Variants in TMC8 observed in about 807,000 individuals in gnomAD.
TMC8 encodes transmembrane channel-like protein 8.
TMC8 carries 71 observed loss-of-function variants against 76.0 expected under a neutral mutation model. The ratio of observed to expected loss-of-function variants is 0.93; its 90% CI spans 0.77 to 1.14. The LOEUF (loss-of-function observed/expected upper bound fraction) is 1.14, where lower values mean the gene tolerates loss of function less well. TMC8 is among the 50% of genes most tolerant of loss of function. The pLI is 0.00. For synonymous variants in TMC8, 433 were observed against 433.8 expected (o/e 1.00, Z 0.02); for missense variants, 924 against 947.9 (o/e 0.97, Z 0.33).
rs377056213 is a variant in TMC8, at chr17:78,137,180, G to C, written c.1128-55G>C. 1.6e-5 allele frequency: 26 copies of C among 1,609,048 alleles called. No individual in the cohort carries two copies. The Admixed American group carries it at 2.2e-4, about 13-fold the overall frequency. ...ATCAGCCACACCTATAGCCTGGGTA[G>C]AGCCCGGTGCCCATGTGCCTGGGCC... On this transcript the variant is annotated intron_variant, in intron 9 of 15. Transcript: ENST00000318430.
At chr17:78,132,225 G>T (rs1195828757) in intron 3 of TMC8, 134 bp from the exon 4 acceptor site, 2 of 1,388,124 alleles carry the variant, frequency 1.4e-6, no homozygotes, top group South Asian at 2.5e-5. Flanking sequence ...GTGACTGTCA[G>T]CGGTACCTCC....
At position 78,141,457 on chromosome 17, in the gene TMC8, G is replaced by A. The variant is rs993007785; in HGVS notation, c.*345G>A. On this transcript the variant is annotated 3_prime_UTR_variant, in exon 16 of 16. Coordinates refer to ENST00000318430, the MANE Select transcript of TMC8 (RefSeq NM_152468.5). ...TTATACACATACATCTATTGGGAAT[G>A]CTCAGAAGTTGTTTACTGATGGAAG... is the stretch of plus-strand genomic sequence containing the variant. The A allele has an allele frequency of 1.0e-5, 2 of 198,050 alleles. No homozygotes were observed. The highest frequency in any genetic ancestry group is 4.6e-5 in the African/African-American group (2 of 43,340). 12.3% of individuals were successfully genotyped at this position (198,050 alleles called of 1,614,324 possible). A position where few individuals can be genotyped will look rare whatever the true frequency, so the allele number is the denominator to read the frequency against.
intron 5 of TMC8, among the ~76,000 whole-genome samples, chr17:78,133,166 ACCCTCAT>A (rs1244749938): frequency 6.6e-6 from 1 of 152,086 alleles, no homozygotes; most frequent in Non-Finnish European, 1.5e-5. Context: ...GCACTTCCCC[ACCCTCAT>A]CCTGGGAAGC....
Position 78,131,484 on chromosome 17 carries a change from G to C in TMC8, c.-105G>C. The C allele has an allele frequency of 6.8e-7, 1 of 1,471,754 alleles. No individual in the cohort carries two copies. Among genetic ancestry groups the C allele is most frequent in the South Asian group, 1.2e-5 (1 of 82,316 alleles). 91.2% of individuals were successfully genotyped at this position (1,471,754 alleles called of 1,614,324 possible). A position where few individuals can be genotyped will look rare whatever the true frequency, so the allele number is the denominator to read the frequency against. On this transcript the variant is annotated 5_prime_UTR_variant, in exon 2 of 16. Coordinates refer to ENST00000318430, the MANE Select transcript of TMC8 (RefSeq NM_152468.5). The stretch of plus-strand genomic sequence containing the variant: ...GACGGAAGGGCCCGCCCCCAGCCCA[G>C]CGTGCACAGAGGCCATAGCCAAGGC...
At position 78,137,788 on chromosome 17, in the gene TMC8, C is replaced by T. The variant is rs529856329; in HGVS notation, c.1323C>T (p.Phe441=). Reference sequence around the variant, plus strand: ...TCAACTTCCTCCTCACCGTGGCCTTCGCCTTCCTGGTCACCCTGCCTCGGA... The same window carrying T: ...TCAACTTCCTCCTCACCGTGGCCTTTGCCTTCCTGGTCACCCTGCCTCGGA... ...SIFNFLLTVA[F]AFLVTLPRRL... Residue 441 remains phenylalanine, a synonymous_variant, in exon 11 of 16, where the codon TTC becomes TTT. Coordinates refer to ENST00000318430, the MANE Select transcript of TMC8 (RefSeq NM_152468.5). 5.0e-5 allele frequency: 80 copies of T among 1,613,530 alleles called. No homozygotes were observed. The South Asian group carries it at 5.3e-4, about 11-fold the overall frequency.
At chr17:78,137,649 G>A in intron 10 of TMC8, 68 bp from the exon 11 acceptor site, 1 of 1,413,840 alleles carries the variant, frequency 7.1e-7, no homozygotes, top group Non-Finnish European at 1.0e-6. Context: ...AACCCTCACA[G>A]GAGGCTAAGG....
In TMC8 at chr17:78,133,547, G is replaced by C. The variant is rs1378793173; in HGVS notation, c.668+5G>C. 3 of 1,610,880 alleles carry C rather than the reference G, an allele frequency of 1.9e-6. No individual in the cohort carries two copies. The highest frequency in any genetic ancestry group is 1.7e-5 in the Admixed American group (1 of 60,022). On this transcript the variant is annotated splice_donor_5th_base_variant and intron_variant, in intron 6 of 15. Transcript: ENST00000318430. ...CTTCTGTGGGACTCTGCGGCGGTGA[G>C]AGCGAGGTCCACACCTTCACCCCTT...
intron 15 of TMC8, among the ~76,000 whole-genome samples, chr17:78,139,742 A>C (rs2075327294): frequency 1.3e-5 from 2 of 150,032 alleles, no homozygotes; most frequent in African/African-American, 4.9e-5. Context: ...AAAAAAAAAA[A>C]AAAAAAAAAA....
At chr17:78,131,816 C>G in intron 2 of TMC8, 66 bp from the exon 3 acceptor site, 2 of 1,505,318 alleles carry the variant, frequency 1.3e-6, no homozygotes, top group Non-Finnish European at 1.8e-6. Flanking sequence ...GGGAGCACCC[C>G]GTCTGCTTGG....
At chr17:78,136,968 A>C (rs2075249030) in intron 9 of TMC8, 1 of 436,458 alleles carries the variant, frequency 2.3e-6, no homozygotes, top group Middle Eastern at 7.0e-4. Flanking sequence ...CCGAGGTCAC[A>C]ACACTGAACT....
chr17:78,138,952 T>C, intron 14 of TMC8: 1 of 1,537,342 alleles, frequency 6.5e-7, no homozygotes, highest in Non-Finnish European at 8.7e-7. Context: ...TGGCTGCAGC[T>C]GCTGAGCTAT....
At chr17:78,132,577 C>A in intron 4 of TMC8, 69 bp downstream of exon 4, 1 of 1,562,010 alleles carries the variant, frequency 6.4e-7, no homozygotes, top group Non-Finnish European at 8.7e-7. Context: ...TGGCCCAGGG[C>A]CCAGAGCGTG....
Position 78,131,630 on chromosome 17 carries a change from G to A in TMC8, c.42G>A (p.Gly14=), listed in dbSNP as rs1486961271. The A allele has an allele frequency of 2.4e-5, 38 of 1,553,904 alleles. No individual in the cohort carries two copies. Among genetic ancestry groups the A allele is most frequent in the Non-Finnish European group, 3.3e-5 (38 of 1,150,002 alleles). ...CGGTGTCATCGGAGCGGGCCCCTGG[G>A]GTGCCGGAGCCGGAGGAGCTGTGGG... ...PRSVSSERAP[G]VPEPEELWEA... is the part of the protein sequence containing the mutation. The change falls in exon 2 of 16, where the codon GGG becomes GGA. Residue 14 remains glycine, a synonymous_variant. Transcript: ENST00000318430.
At chr17:78,131,085 C>A (rs948883218) in intron 1 of TMC8, 196 bp from the exon 2 acceptor site, 1 of 201,356 alleles carries the variant, frequency 5.0e-6, no homozygotes, top group Non-Finnish European at 1.0e-5. Flanking sequence ...TGCCGAGTCC[C>A]AGGAACTGTG....
chr17:78,131,715 A>G lies in TMC8; in HGVS notation c.127A>G (p.Met43Val), dbSNP rs1305314590. ...GCCCGTGCGCGGGCTGCCCTATGCC[A>G]TGATGGACAAGCGCCTCATCTGGTG... ...GTPVRGLPYA[M>V]MDKRLIWQLR... The change falls in exon 2 of 16, where the codon ATG becomes GTG. Residue 43 changes from methionine (M) to valine (V), a missense_variant. By Grantham distance (21) the Met-to-Val change is conservative. Transcript: ENST00000318430. 7 of 1,584,668 alleles carry G rather than the reference A, an allele frequency of 4.4e-6. No individual in the cohort carries two copies. The East Asian group carries it at 6.9e-5, about 16-fold the overall frequency.
At chr17:78,134,605 C>G in intron 8 of TMC8, 41 bp downstream of exon 8, 2 of 1,610,268 alleles carry the variant, frequency 1.2e-6, no homozygotes, top group Non-Finnish European at 1.7e-6. Flanking sequence ...GCCAGAACTG[C>G]GGGGGTGAGA....
intron 9 of TMC8, 22 bp downstream of exon 9, chr17:78,135,031 G>A (rs368036135): frequency 6.2e-7 from 1 of 1,613,726 alleles, no homozygotes; most frequent in Non-Finnish European, 8.5e-7. Flanking sequence ...CCTTGGTGGG[G>A]ACAAGTGGGC....
chr17:78,134,908 G>A lies in TMC8; in HGVS notation c.1026G>A (p.Gly342=). The A allele has an allele frequency of 6.2e-7, 1 of 1,614,114 alleles. No homozygotes were observed. Among genetic ancestry groups the A allele is most frequent in the East Asian group, 2.2e-5 (1 of 44,878 alleles). ...LFLLLQYLPP[G]VIALVNFLGP... ...TGCTGCTCCAGTACCTGCCCCCTGG[G>A]GTCATCGCCCTGGTCAACTTCCTGG... is the stretch of plus-strand genomic sequence containing the variant. The change falls in exon 9 of 16, where the codon GGG becomes GGA. Residue 342 remains glycine, a synonymous_variant. Coordinates refer to ENST00000318430, the MANE Select transcript of TMC8 (RefSeq NM_152468.5).
At chr17:78,139,521 A>T (rs1432705162) in intron 15 of TMC8, among the ~76,000 whole-genome samples, 1 of 152,128 alleles carries the variant, frequency 6.6e-6, no homozygotes, top group African/African-American at 2.4e-5. Flanking sequence ...GATCACTTGA[A>T]GCCATGAGTT....
Sources: gnomAD v4.1 joint callset for allele counts (sites outside exome capture counted in the v4.1 genomes callset) on GRCh38, gnomAD v4.1.1 for gene constraint, MANE v1.5 for transcripts, NCBI Gene and HGNC (gene_info 2026-07-23, HGNC 2026-07-21) for gene names.